Variants in LLGL1 observed in about 807,000 individuals in gnomAD.
The protein encoded by LLGL1 is lethal(2) giant larvae protein homolog 1.
LLGL1 carries 58 observed loss-of-function variants against 110.6 expected under a neutral mutation model. That is an observed-to-expected ratio of 0.52 (90% CI 0.42 to 0.65). The LOEUF is 0.65. LLGL1 is among the 30% of genes least tolerant of loss of function. The pLI is 0.00. For synonymous variants in LLGL1, 674 were observed against 607.2 expected, an observed-to-expected ratio of 1.11 and a Z score of -1.62; for missense variants, 1,229 against 1,462.1, an observed-to-expected ratio of 0.84 and a Z score of 2.60.
chr17:18,243,050 C>T (rs750190143), intron 22 of LLGL1, among the ~76,000 whole-genome samples: 19 of 152,252 alleles, frequency 1.2e-4, no homozygotes, highest in Admixed American at 1.0e-3. Flanking sequence ...GCCAGCCCCT[C>T]AGCCCTTGCA....
At position 18,225,720 on chromosome 17, in the gene LLGL1, C is replaced by T; in HGVS notation, c.38C>T (p.Pro13Leu). Residue 13 changes from proline (P) to leucine (L), a missense_variant, in exon 1 of 23, where the codon CCG (proline) becomes CTG (leucine). Coordinates refer to ENST00000316843, the MANE Select transcript of LLGL1 (RefSeq NM_004140.4). ...CGGTTCCGGCGGCAGGGCGCCGACC[C>T]GCAGCGCGAGAAGCTCAAGCAGGAG... ...KFRFRRQGAD[P>L]QREKLKQELF... is the part of the protein sequence containing the mutation. 9.5e-7 allele frequency: 1 copy of T among 1,054,950 alleles called. No homozygotes were observed. Among genetic ancestry groups the T allele is most frequent in the Non-Finnish European group, 1.2e-6 (1 of 863,870 alleles). The allele number at this position is 1,054,950 out of a possible 1,614,324, so 65.3% of individuals were successfully genotyped here.
chr17:18,237,447 C>T (rs368436261), intron 13 of LLGL1, 34 bp from the exon 14 acceptor site: 113 of 1,529,098 alleles, frequency 7.4e-5, no homozygotes, highest in Non-Finnish European at 8.9e-5. Context: ...CCCTCCCCTG[C>T]GCTGATGCTC....
At chr17:18,243,764 C>CCAT (rs2047912568) in intron 22 of LLGL1, 144 bp from the exon 23 acceptor site, 1 of 152,340 alleles carries the variant, frequency 6.6e-6, no homozygotes, top group African/African-American at 2.4e-5. Flanking sequence ...CTCAGCAAGC[C>CCAT]CATCTCAGGT....
In LLGL1 at chr17:18,242,179, G is replaced by A. The variant is rs1007327686; in HGVS notation, c.2896G>A (p.Glu966Lys). ...CCATCTCTGCAGTTACAGGATCCGA[G>A]AGTCACCCAAGCTGAGCCAGGCTAA... ...DATQASYRIR[E>K]SPKLSQANGT... The change falls in exon 20 of 23, where the codon GAG becomes AAG. Residue 966 changes from glutamate to lysine, a missense_variant. Glu to Lys is a moderately conservative substitution (Grantham distance 56, BLOSUM62 1). Transcript: ENST00000316843. 6.2e-7 allele frequency: 1 copy of A among 1,613,924 alleles called. No individual in the cohort carries two copies. Among genetic ancestry groups the A allele is most frequent in the East Asian group, 2.2e-5 (1 of 44,850 alleles).
rs2142519456 is a variant in LLGL1 at position 18,225,727 on chromosome 17, C to T, written c.45C>T (p.Arg15=). ...RFRRQGADPQ[R]EKLKQELFAF... ...GGCGGCAGGGCGCCGACCCGCAGCG[C>T]GAGAAGCTCAAGCAGGAGCTTTTCG... The change falls in exon 1 of 23, where the codon CGC becomes CGT. Residue 15 remains arginine, a synonymous_variant. Transcript: ENST00000316843. 2.8e-6 allele frequency: 3 copies of T among 1,054,636 alleles called. No individual in the cohort carries two copies. Among genetic ancestry groups the T allele is most frequent in the Non-Finnish European group, 2.3e-6 (2 of 863,656 alleles). The allele number at this position is 1,054,636 out of a possible 1,614,324, so 65.3% of individuals were successfully genotyped here. A position where few individuals can be genotyped will look rare whatever the true frequency, so the allele number is the denominator to read the frequency against.
intron 2 of LLGL1, 102 bp from the exon 3 acceptor site, chr17:18,232,393 G>C: frequency 9.5e-7 from 1 of 1,050,096 alleles, no homozygotes. Flanking sequence ...GGCCCATGCC[G>C]GGGCCCACTG....
intron 22 of LLGL1, 63 bp downstream of exon 22, chr17:18,242,885 G>A: frequency 1.4e-6 from 2 of 1,445,358 alleles, no homozygotes; most frequent in Non-Finnish European, 9.3e-7. Context: ...CAGCCCGTCT[G>A]GGTACCATTT....
Position 18,240,479 on chromosome 17 carries a change from C to T in LLGL1, c.2207-99C>T, listed in dbSNP as rs1597877896. ...AGGGTGTCATAGTTAGGAAGCAGGG[C>T]TACAAGAGAGGCAGGGAGGGACCTG... On this transcript the variant is annotated intron_variant, in intron 16 of 22. Transcript: ENST00000316843. The surrounding 1 kb of genome is among the most constrained non-coding windows in gnomAD (Gnocchi z 5.3). The T allele has an allele frequency of 1.5e-6, 2 of 1,364,782 alleles. No homozygotes were observed. The highest frequency in any genetic ancestry group is 2.3e-5 in the East Asian group (1 of 43,002). The allele number at this position is 1,364,782 out of a possible 1,614,324, so 84.5% of individuals were successfully genotyped here.
At chr17:18,234,243 G>A (rs765129645) in intron 6 of LLGL1, 30 bp from the exon 7 acceptor site, 1 of 1,593,344 alleles carries the variant, frequency 6.3e-7, no homozygotes, top group Admixed American at 1.8e-5. Flanking sequence ...GCTCATGCCT[G>A]CCTGCCTGCC....
rs75657839 is a variant in LLGL1 at position 18,226,573 on chromosome 17, C to G, written c.81+810C>G. Among the ~76,000 whole-genome samples the G allele has an allele frequency of 5.1e-3, 774 of 152,366 alleles. 2 individuals carry two copies. The highest frequency in any genetic ancestry group is 0.017 in the Middle Eastern group (5 of 294). The stretch of plus-strand genomic sequence containing the variant: ...CCTGGCTGTGTACTACACTGCACTT[C>G]GCATCGTGGGGCCTCAGTTTCCCTA... On this transcript the variant is annotated intron_variant, in intron 1 of 22. Coordinates refer to ENST00000316843, the MANE Select transcript of LLGL1 (RefSeq NM_004140.4).
In LLGL1 at chr17:18,240,995, T is replaced by A; in HGVS notation, c.2502+122T>A. On this transcript the variant is annotated intron_variant, in intron 17 of 22. Coordinates refer to ENST00000316843, the MANE Select transcript of LLGL1 (RefSeq NM_004140.4). This position sits in a 1 kb window ranked among gnomAD's most constrained non-coding sequence, Gnocchi z 5.3. ...TATCCCCCACTGTTGGGACCCTAAT[T>A]CCCTTGCACCCCAGAAAACACTCCC... The A allele has an allele frequency of 9.3e-7, 1 of 1,070,410 alleles. No homozygotes were observed. 66.3% of individuals were successfully genotyped at this position (1,070,410 alleles called of 1,614,324 possible). A position where few individuals can be genotyped will look rare whatever the true frequency, so the allele number is the denominator to read the frequency against.
Position 18,232,798 on chromosome 17 carries a change from G to T in LLGL1, c.388G>T (p.Ala130Ser). ...GCCCAGCCGGCCCGGCTTTGATGGT[G>T]CCAGGTACTGGAGAACTTGGCTGGG... Reference protein sequence around the residue: ...QLPSRPGFDGASAPLSLTRVT... With the variant: ...QLPSRPGFDGSSAPLSLTRVT... The change falls in exon 4 of 23, where the codon GCC (alanine) becomes TCC (serine). Residue 130 changes from alanine (A) to serine (S), a missense_variant. Physicochemically the swap from Ala to Ser is moderately conservative, Grantham distance 99. Transcript: ENST00000316843. 6 of 1,613,900 alleles carry T rather than the reference G, an allele frequency of 3.7e-6. No individual in the cohort carries two copies. Among genetic ancestry groups the T allele is most frequent in the Non-Finnish European group, 5.1e-6 (6 of 1,179,998 alleles).
intron 17 of LLGL1, chr17:18,241,127 C>T: frequency 1.7e-6 from 1 of 587,436 alleles, no homozygotes; most frequent in Admixed American, 3.2e-5. Flanking sequence ...CACAAGGCTC[C>T]TGTACTGGGC....
At chr17:18,226,999 GT>G (rs1412249780) in intron 1 of LLGL1, among the ~76,000 whole-genome samples, 2 of 152,368 alleles carry the variant, frequency 1.3e-5, no homozygotes, top group Admixed American at 1.3e-4. Flanking sequence ...TTGAGTTCTT[GT>G]GTCAGTGGGG....
intron 2 of LLGL1, among the ~76,000 whole-genome samples, chr17:18,230,248 C>CG (rs1421691437): frequency 2.0e-5 from 3 of 152,124 alleles, no homozygotes; most frequent in Admixed American, 2.0e-4. Flanking sequence ...TGCTGAGAGA[C>CG]GGGTGGTGGG....
intron 19 of LLGL1, 62 bp downstream of exon 19, chr17:18,242,061 C>A: frequency 6.5e-7 from 1 of 1,549,198 alleles, no homozygotes; most frequent in Non-Finnish European, 8.9e-7. Flanking sequence ...CTCATCCCAC[C>A]CCCGAGATCT....
chr17:18,235,424 A>G (rs754353183), intron 10 of LLGL1, 46 bp from the exon 11 acceptor site: 4 of 1,611,496 alleles, frequency 2.5e-6, no homozygotes, highest in East Asian at 2.2e-5. Context: ...GAGGGAGAAG[A>G]TGTTCGTCCT....
chr17:18,239,255 G>T (rs569648529), intron 16 of LLGL1, among the ~76,000 whole-genome samples: 5 of 152,142 alleles, frequency 3.3e-5, no homozygotes, highest in Admixed American at 3.3e-4. Context: ...GGTGAGGGTC[G>T]AGGTGTGTGG....
Position 18,237,773 on chromosome 17 carries a change from G to T in LLGL1, c.1904G>T (p.Arg635Met). 6.3e-7 allele frequency: 1 copy of T among 1,596,856 alleles called. No homozygotes were observed. ...DYQRKSPVLA[R>M]CTLHPNDSLA... is the part of the protein sequence containing the mutation. ...CAGCGCAAGAGCCCTGTGCTGGCCA[G>T]GTGTGTGGGGTGGGGCCGGCTGGGC... Residue 635 changes from arginine to methionine, a missense_variant and splice_region_variant, in exon 14 of 23, where the codon AGG (arginine) becomes ATG (methionine). Coordinates refer to ENST00000316843, the MANE Select transcript of LLGL1 (RefSeq NM_004140.4).
Sources: allele counts gnomAD v4.1 joint callset (sites outside exome capture counted in the v4.1 genomes callset), GRCh38; gene constraint gnomAD v4.1.1; non-coding constraint Gnocchi (gnomAD v3.1); transcripts MANE v1.5; gene names NCBI Gene and HGNC (gene_info 2026-07-23, HGNC 2026-07-21).